EYA3: variants seen among roughly 807,000 people sequenced by gnomAD.
EYA3 encodes the protein EYA transcriptional coactivator and phosphatase 3, also known as protein phosphatase EYA3.
EYA3 carries 39 observed loss-of-function variants against 80.0 expected under a neutral mutation model. The ratio of observed to expected loss-of-function variants is 0.49; its 90% CI spans 0.38 to 0.64. The LOEUF (loss-of-function observed/expected upper bound fraction) is 0.64. EYA3 is among the 30% of genes least tolerant of loss of function. The probability of loss-of-function intolerance (pLI) is 0.00; values close to 1 mark genes in which losing one functional copy is unlikely to be tolerated. For synonymous variants in EYA3, 206 were observed against 232.8 expected (o/e 0.88, Z 1.05); for missense variants, 523 against 676.1 (o/e 0.77, Z 2.51).
At chr1:28,031,143 A>G (rs2148834599) in intron 6 of EYA3, among the ~76,000 whole-genome samples, 2 of 152,332 alleles carry the variant, frequency 1.3e-5, no homozygotes, top group South Asian at 2.1e-4. Context: ...CTAGTTTTGA[A>G]TATCTTTGGC....
At chr1:28,050,376 A>G (rs11247741) in intron 2 of EYA3, among the ~76,000 whole-genome samples, 34,176 of 151,076 alleles carry the variant, frequency 0.23, 4,049 homozygotes, top group Non-Finnish European at 0.27. Flanking sequence ...TATTTTTTCT[A>G]TTTTTAGGAG....
chr1:28,022,594 A>G (rs187148125), intron 7 of EYA3, among the ~76,000 whole-genome samples: 4 of 152,324 alleles, frequency 2.6e-5, no homozygotes, highest in African/African-American at 9.6e-5. Flanking sequence ...ACATACAGAA[A>G]TATTTATAGA....
intron 1 of EYA3, among the ~76,000 whole-genome samples, chr1:28,085,760 GGTTTGTTTGTTT>G (rs149922866): frequency 3.3e-5 from 5 of 151,724 alleles, no homozygotes; most frequent in South Asian, 2.1e-4. Context: ...GCTGTCTCTG[GGTTTGTTTGTTT>G]GTTTGTTTGT....
At chr1:28,008,442 T>C (rs982372858) in intron 10 of EYA3, among the ~76,000 whole-genome samples, 5 of 151,522 alleles carry the variant, frequency 3.3e-5, no homozygotes, top group East Asian at 1.9e-4. Flanking sequence ...AGCACAGCAA[T>C]AATAGAAATC....
At position 28,038,439 on chromosome 1, in the gene EYA3, T is replaced by TAAAAAA. The variant is rs74525723; in HGVS notation, c.224+394_224+399dup. Reference sequence around the variant, plus strand: ...CAACAAACAGAGTGAGATTCTATCTTAAAAAAAAAAAAAAAAAAAAAAAAA... The same window carrying TAAAAAA: ...CAACAAACAGAGTGAGATTCTATCTTAAAAAAAAAAAAAAAAAAAAAAAAAAAAAAA... On this transcript the variant is annotated intron_variant, in intron 5 of 17. Transcript: ENST00000373871. 1.5e-3 allele frequency among the ~76,000 whole-genome samples: 103 copies of TAAAAAA among 68,482 alleles called. 1 individual carries two copies. Among genetic ancestry groups the TAAAAAA allele is most frequent in the Non-Finnish European group, 2.0e-3 (67 of 34,342 alleles). 44.9% of individuals were successfully genotyped at this position (68,482 alleles called of 152,430 possible). A position where few individuals can be genotyped will look rare whatever the true frequency, so the allele number is the denominator to read the frequency against.
chr1:27,998,614 C>T (rs536170009), intron 12 of EYA3, among the ~76,000 whole-genome samples: 20 of 151,546 alleles, frequency 1.3e-4, no homozygotes, highest in Non-Finnish European at 2.2e-4. Flanking sequence ...GTGCTCACGC[C>T]GGTAATCCCA....
chr1:27,999,542 AG>A (rs1640683601), intron 12 of EYA3, among the ~76,000 whole-genome samples: 1 of 152,232 alleles, frequency 6.6e-6, no homozygotes, highest in Non-Finnish European at 1.5e-5. Context: ...TCGACAAATC[AG>A]GAGACTATCC....
At chr1:27,980,904 T>C (rs1363683827) in intron 16 of EYA3, among the ~76,000 whole-genome samples, 1 of 152,110 alleles carries the variant, frequency 6.6e-6, no homozygotes, top group Non-Finnish European at 1.5e-5. Flanking sequence ...CTGGGTATGG[T>C]GGTGGAACAC....
At chr1:28,064,247 T>C (rs1438563507) in intron 1 of EYA3, among the ~76,000 whole-genome samples, 1 of 152,090 alleles carries the variant, frequency 6.6e-6, no homozygotes, top group African/African-American at 2.4e-5. Context: ...AAATAATGTG[T>C]GCATACACGT....
At chr1:28,050,890 G>A (rs1409972430) in intron 2 of EYA3, among the ~76,000 whole-genome samples, 2 of 152,182 alleles carry the variant, frequency 1.3e-5, no homozygotes, top group African/African-American at 4.8e-5. Flanking sequence ...ATGATTCCTG[G>A]TTGTTAAGAG....
rs1424988799 is a variant in EYA3 at position 28,058,020 on chromosome 1, C to T, written c.7G>A (p.Glu3Lys). 3 of 1,589,214 alleles carry T rather than the reference C, an allele frequency of 1.9e-6. No individual in the cohort carries two copies. Among genetic ancestry groups the T allele is most frequent in the South Asian group, 2.3e-5 (2 of 87,854 alleles). The change falls in exon 2 of 18, where the codon GAA becomes AAA. Residue 3 changes from glutamate (E) to lysine (K), a missense_variant. By Grantham distance (56) the Glu-to-Lys change is moderately conservative. Transcript: ENST00000373871. ...GGTTGCTCTGGTAAATCTTGCTCTTCTTCCATGAGGACCAATATTTCTTTA... is the reference window on the plus strand; with the variant it reads ...GGTTGCTCTGGTAAATCTTGCTCTTTTTCCATGAGGACCAATATTTCTTTA... ME[E>K]EQDLPEQPVK...
chr1:28,011,175 G>T (rs1641672727), intron 9 of EYA3, 89 bp from the exon 10 acceptor site: 1 of 1,387,776 alleles, frequency 7.2e-7, no homozygotes, highest in Non-Finnish European at 9.8e-7. Flanking sequence ...CTCTGCCCTT[G>T]TGAGTCATAA....
intron 3 of EYA3, among the ~76,000 whole-genome samples, chr1:28,047,638 T>C (rs1034950584): frequency 7.4e-6 from 1 of 135,984 alleles, no homozygotes; most frequent in African/African-American, 2.7e-5. Flanking sequence ...GCCTCTTTTC[T>C]CTTTTTTTTT....
chr1:28,034,144 C>T (rs1016741459), intron 6 of EYA3, among the ~76,000 whole-genome samples: 2 of 151,828 alleles, frequency 1.3e-5, no homozygotes, highest in African/African-American at 4.8e-5. Flanking sequence ...TTAATTATAT[C>T]TAGGATCCAT....
chr1:28,057,739 T>G (rs1014406811), intron 2 of EYA3, among the ~76,000 whole-genome samples: 1 of 152,198 alleles, frequency 6.6e-6, no homozygotes, highest in Non-Finnish European at 1.5e-5. Context: ...TCTTTTATTT[T>G]CTAAAAACTG....
In EYA3 at chr1:28,036,638, A is replaced by G. The variant is rs190681929; in HGVS notation, c.225-958T>C. On this transcript the variant is annotated intron_variant, in intron 5 of 17. Transcript: ENST00000373871. ...CATACTGCCACTAGTTGGTGCCACC[A>G]TATCAGGGATAGCTAGAGATTTCAG... Among the ~76,000 whole-genome samples, 466 of 152,280 alleles carry G rather than the reference A, an allele frequency of 3.1e-3. 2 individuals carry two copies. Among genetic ancestry groups the G allele is most frequent in the African/African-American group, 0.01 (426 of 41,582 alleles).
chr1:28,074,843 T>A (rs1386045712), intron 1 of EYA3, among the ~76,000 whole-genome samples: 2 of 152,254 alleles, frequency 1.3e-5, no homozygotes, highest in Non-Finnish European at 2.9e-5. Context: ...CTACCAGGTA[T>A]TTGTTGTTAT....
At chr1:28,032,230 T>C (rs1337625564) in intron 6 of EYA3, 3 of 152,246 alleles carry the variant, frequency 2.0e-5, no homozygotes, top group African/African-American at 7.2e-5. Context: ...CATTGTGTTT[T>C]TGCTATTACA....
At chr1:28,003,596 T>TG (rs976306750) in intron 11 of EYA3, among the ~76,000 whole-genome samples, 1 of 152,146 alleles carries the variant, frequency 6.6e-6, no homozygotes, top group Admixed American at 6.5e-5. Flanking sequence ...TTTTTAGAGA[T>TG]GGGGTCTCGC....
Sources: gnomAD v4.1 joint callset for allele counts (sites outside exome capture counted in the v4.1 genomes callset) on GRCh38, gnomAD v4.1.1 for gene constraint, MANE v1.5 for transcripts, NCBI Gene and HGNC (gene_info 2026-07-23, HGNC 2026-07-21) for gene names.